Variants in ABL2 observed in about 807,000 individuals in gnomAD.
ABL2 encodes the protein ABL proto-oncogene 2, non-receptor tyrosine kinase, also known as tyrosine-protein kinase ABL2.
A neutral mutation model predicts 107.7 loss-of-function variants in ABL2; 49 were observed. That is an observed-to-expected ratio of 0.45 (90% confidence interval 0.36 to 0.58). ABL2 has a LOEUF of 0.58. ABL2 is among the 20% of genes least tolerant of loss of function. The probability of loss-of-function intolerance (pLI) is 0.00; values close to 1 mark genes in which losing one functional copy is unlikely to be tolerated. For missense variants in ABL2, 1,245 were observed against 1,457.0 expected, an observed-to-expected ratio of 0.85 and a Z score of 2.37; for synonymous variants, 549 against 548.6, an observed-to-expected ratio of 1.00 and a Z score of -0.01.
chr1:179,229,464 G>T lies in ABL2; in HGVS notation c.-67C>A, dbSNP rs1425680214. 1.5e-5 allele frequency: 21 copies of T among 1,405,826 alleles called. No homozygotes were observed. The highest frequency in any genetic ancestry group is 3.0e-5 in the Admixed American group (1 of 33,520). The allele number at this position is 1,405,826 out of a possible 1,614,324, so 87.1% of individuals were successfully genotyped here. ...CACATTCCTCCTCGGCTCCGGCCTCGGGCTCCTGGCGCTGCTCCGGTCTCT... is the reference window on the plus strand; with the variant it reads ...CACATTCCTCCTCGGCTCCGGCCTCTGGCTCCTGGCGCTGCTCCGGTCTCT... On this transcript the variant is annotated 5_prime_UTR_variant, in exon 1 of 12. Transcript: ENST00000502732.
At chr1:179,145,624 G>GA (rs1452515313) in intron 1 of ABL2, among the ~76,000 whole-genome samples, 1 of 152,174 alleles carries the variant, frequency 6.6e-6, no homozygotes, top group African/African-American at 2.4e-5. Flanking sequence ...AGCAAAAGAA[G>GA]AATCTAAGCA....
At chr1:179,224,368 G>A (rs918522341) in intron 1 of ABL2, among the ~76,000 whole-genome samples, 1 of 151,846 alleles carries the variant, frequency 6.6e-6, no homozygotes, top group Non-Finnish European at 1.5e-5. Flanking sequence ...CGGGGTTCAG[G>A]GGATTCTCCT....
At chr1:179,192,448 T>C (rs1235301077) in intron 1 of ABL2, among the ~76,000 whole-genome samples, 1 of 152,180 alleles carries the variant, frequency 6.6e-6, no homozygotes. Flanking sequence ...TCTCAATAAA[T>C]CCTAGACCAC....
rs912044661 is a variant in ABL2 at position 179,102,563 on chromosome 1, T to A, written c.*5155A>T. 4.4e-6 allele frequency: 1 copy of A among 227,636 alleles called. No homozygotes were observed. Among genetic ancestry groups the A allele is most frequent in the African/African-American group, 2.2e-5 (1 of 45,024 alleles). 14.1% of individuals were successfully genotyped at this position (227,636 alleles called of 1,614,324 possible). A position where few individuals can be genotyped will look rare whatever the true frequency, so the allele number is the denominator to read the frequency against. The stretch of plus-strand genomic sequence containing the variant: ...CAAAAAGAGGATTGGTCATAGCAGA[T>A]CCTTAGGGCACAGAGATGAACCCCA... On this transcript the variant is annotated 3_prime_UTR_variant, in exon 12 of 12. Transcript: ENST00000502732.
intron 1 of ABL2, among the ~76,000 whole-genome samples, chr1:179,225,431 G>A (rs1663134924): frequency 6.6e-6 from 1 of 151,946 alleles, no homozygotes; most frequent in Admixed American, 6.5e-5. Flanking sequence ...CACTAGATTC[G>A]AGCACCTACA....
At chr1:179,117,944 C>T (rs929086897) in intron 7 of ABL2, among the ~76,000 whole-genome samples, 2 of 150,848 alleles carry the variant, frequency 1.3e-5, no homozygotes, top group Non-Finnish European at 3.0e-5. Flanking sequence ...CATGGCGAAA[C>T]CCAGTCTACA....
intron 3 of ABL2, among the ~76,000 whole-genome samples, chr1:179,127,541 G>C (rs1557932172): frequency 6.6e-6 from 1 of 152,268 alleles, no homozygotes; most frequent in Non-Finnish European, 1.5e-5. Context: ...AACTTGCCCC[G>C]ATACTTGCAG....
chr1:179,203,959 C>T (rs1661815531), intron 1 of ABL2, among the ~76,000 whole-genome samples: 1 of 152,110 alleles, frequency 6.6e-6, no homozygotes, highest in East Asian at 1.9e-4. Flanking sequence ...ATAATGATAC[C>T]TATCTAATAG....
intron 1 of ABL2, among the ~76,000 whole-genome samples, chr1:179,226,964 A>C (rs1046343634): frequency 6.6e-6 from 1 of 152,182 alleles, no homozygotes. Flanking sequence ...AATCCAGTAC[A>C]TAACAGGTGC....
intron 1 of ABL2, among the ~76,000 whole-genome samples, chr1:179,154,392 TG>T (rs1438697158): frequency 6.6e-6 from 1 of 152,236 alleles, no homozygotes; most frequent in African/African-American, 2.4e-5. Context: ...AACAGGATCT[TG>T]TCTTTCGACT....
intron 1 of ABL2, among the ~76,000 whole-genome samples, chr1:179,192,970 T>C: frequency 6.6e-6 from 1 of 152,230 alleles, no homozygotes; most frequent in East Asian, 1.9e-4. Flanking sequence ...TCTTAAAATA[T>C]CTTTGGTAAC....
intron 1 of ABL2, among the ~76,000 whole-genome samples, chr1:179,173,105 G>A (rs937829150): frequency 6.6e-6 from 1 of 151,472 alleles, no homozygotes; most frequent in Non-Finnish European, 1.5e-5. Flanking sequence ...CAGGAGAATC[G>A]CTGGAAGCCG....
chr1:179,210,503 C>CAAAAAAAAA (rs113814284), intron 1 of ABL2, among the ~76,000 whole-genome samples: 2 of 94,108 alleles, frequency 2.1e-5, no homozygotes, highest in Non-Finnish European at 4.1e-5. Context: ...CTCTAACTCA[C>CAAAAAAAAA]AAAAAAAAAA....
intron 1 of ABL2, among the ~76,000 whole-genome samples, chr1:179,174,915 A>T (rs1452514872): frequency 1.1e-4 from 5 of 47,516 alleles, no homozygotes; most frequent in African/African-American, 4.3e-4. Context: ...AAAATAAAAT[A>T]AAAAAAATAA....
In ABL2 at chr1:179,143,413, GAA is replaced by G. The variant is rs554322503; in HGVS notation, c.158-10041_158-10040del. Among the ~76,000 whole-genome samples, 23 of 152,284 alleles carry G rather than the reference GAA, an allele frequency of 1.5e-4. No individual in the cohort carries two copies. The South Asian group carries it at 3.7e-3, about 25-fold the overall frequency. On this transcript the variant is annotated intron_variant, in intron 1 of 11. Transcript: ENST00000502732. ...GGAGATGATGAGGTGAGACTAGAGA[GAA>G]AAGTTTCCTTGGAGAAAATCTGTTT...
Position 179,101,795 on chromosome 1 carries a change from TG to T in ABL2, c.*5922del. ...CCAAGAGACAGGCTGGACTGAGTCA[TG>T]GGGGTGAGTGCTCCAGAGTAGGCTG... On this transcript the variant is annotated 3_prime_UTR_variant, in exon 12 of 12. Transcript: ENST00000502732. 1.1e-5 allele frequency: 2 copies of T among 189,340 alleles called. No homozygotes were observed. The highest frequency in any genetic ancestry group is 2.2e-5 in the Non-Finnish European group (2 of 89,984). The allele number at this position is 189,340 out of a possible 1,614,324, so 11.7% of individuals were successfully genotyped here.
chr1:179,130,580 T>TAG (rs1557935574), intron 3 of ABL2, among the ~76,000 whole-genome samples: 1 of 152,178 alleles, frequency 6.6e-6, no homozygotes, highest in Non-Finnish European at 1.5e-5. Context: ...TGTGTTTATA[T>TAG]AGATTAGTGA....
At chr1:179,210,339 C>T (rs758683011) in intron 1 of ABL2, among the ~76,000 whole-genome samples, 5 of 151,704 alleles carry the variant, frequency 3.3e-5, no homozygotes, top group Admixed American at 6.6e-5. Flanking sequence ...AACCCCACCT[C>T]TACCAAAAAT....
chr1:179,222,002 C>T (rs1305123505), intron 1 of ABL2: 2 of 208,284 alleles, frequency 9.6e-6, no homozygotes, highest in African/African-American at 4.7e-5. Context: ...CGAATCTTTT[C>T]TTTCTATATA....
Sources: gnomAD v4.1 joint callset for allele counts (sites outside exome capture counted in the v4.1 genomes callset) on GRCh38, gnomAD v4.1.1 for gene constraint, MANE v1.5 for transcripts, NCBI Gene and HGNC (gene_info 2026-07-23, HGNC 2026-07-21) for gene names.